COL15A1: variants seen among roughly 807,000 people sequenced by gnomAD.
COL15A1 encodes collagen alpha-1(XV) chain.
In COL15A1, 111 loss-of-function variants were observed where a neutral mutation model predicts 165.9. The observed-to-expected ratio is 0.67, with a 90% CI of 0.57 to 0.78. COL15A1 has a LOEUF of 0.78. Among genes scored for constraint, COL15A1 ranks in the 30% least tolerant of loss-of-function variants. COL15A1 has a pLI of 0.00. For synonymous variants in COL15A1, 659 were observed against 674.8 expected, an observed-to-expected ratio of 0.98 and a Z score of 0.36; for missense variants, 1,745 against 1,789.7, an observed-to-expected ratio of 0.98 and a Z score of 0.45.
intron 2 of COL15A1, among the ~76,000 whole-genome samples, chr9:98,947,023 A>C (rs1837598126): frequency 6.6e-6 from 1 of 152,214 alleles, no homozygotes; most frequent in South Asian, 2.1e-4. Flanking sequence ...CTTACCCTAC[A>C]ATCTAGAACT....
rs771569008 is a variant in COL15A1, at chr9:99,056,364, G to A, written c.3297G>A (p.Gly1099=). Residue 1099 remains glycine (G), a synonymous_variant, in exon 35 of 42, where the codon GGG becomes GGA. Transcript: ENST00000375001. ...FGRPGDPGPP[G]PPGPPGPPAI... Reference sequence around the variant, plus strand: ...GACCTGGTGATCCTGGGCCACCGGGGCCCCCGGGGCCACCAGGACCTCCAG... The same window carrying A: ...GACCTGGTGATCCTGGGCCACCGGGACCCCCGGGGCCACCAGGACCTCCAG... 1 of 1,612,906 alleles carries A rather than the reference G, an allele frequency of 6.2e-7. No homozygotes were observed. Among genetic ancestry groups the A allele is most frequent in the South Asian group, 1.1e-5 (1 of 91,058 alleles).
Position 99,036,277 on chromosome 9 carries a change from G to T in COL15A1, c.2326-36G>T, listed in dbSNP as rs779376558. On this transcript the variant is annotated intron_variant, in intron 20 of 41. Transcript: ENST00000375001. ...GTTCTGGGAGCATTATCGCTGTACA[G>T]TGAATTTTTTTCTCACTTCTTGCTG... 6.2e-6 allele frequency: 10 copies of T among 1,613,962 alleles called. No individual in the cohort carries two copies. The East Asian group carries it at 2.2e-4, about 36-fold the overall frequency.
intron 10 of COL15A1, 92 bp downstream of exon 10, chr9:99,015,658 C>T (rs775340602): frequency 7.9e-7 from 1 of 1,267,838 alleles, no homozygotes; most frequent in South Asian, 1.3e-5. Flanking sequence ...GCAGGGGCAC[C>T]TGTAGCTTGG....
At position 99,063,058 on chromosome 9, in the gene COL15A1, G is replaced by T; in HGVS notation, c.3600G>T (p.Gln1200His). ...CCTCCTTTTCATAACAGCCACATCA[G>T]CTTCTGCCTCCACCAAACCCTATTT... ...PPPALSSNPH[Q>H]LLPPPNPISS... Residue 1200 changes from glutamine (Q) to histidine (H), a missense_variant, in exon 39 of 42, where the codon CAG (glutamine) becomes CAT (histidine). Physicochemically the swap from Gln to His is conservative, Grantham distance 24 (BLOSUM62 0). Coordinates refer to ENST00000375001, the MANE Select transcript of COL15A1 (RefSeq NM_001855.5). The T allele has an allele frequency of 6.3e-7, 1 of 1,591,974 alleles. No individual in the cohort carries two copies. The highest frequency in any genetic ancestry group is 8.5e-7 in the Non-Finnish European group (1 of 1,172,812).
At chr9:99,039,440 C>T (rs182734338) in intron 22 of COL15A1, among the ~76,000 whole-genome samples, 12 of 152,250 alleles carry the variant, frequency 7.9e-5, no homozygotes, top group Non-Finnish European at 1.6e-4. Context: ...ACCTGGGAGG[C>T]GGAGGTTGCA....
rs373075504 is a variant in COL15A1 at position 99,048,024 on chromosome 9, C to T, written c.2793+24C>T. On this transcript the variant is annotated intron_variant, in intron 28 of 41. Transcript: ENST00000375001. ...AGGTGAGTCACCCTGGGGATGGAGC[C>T]GGAGGTTGGTGTCCAGAGAGGGTGA... The T allele has an allele frequency of 3.6e-6, 5 of 1,381,688 alleles. No individual in the cohort carries two copies. In the Admixed American group the frequency reaches 7.8e-5, roughly 22 times the overall value. 85.6% of individuals were successfully genotyped at this position (1,381,688 alleles called of 1,614,324 possible).
In COL15A1 at chr9:98,979,516, C is replaced by G. The variant is rs114868498; in HGVS notation, c.101-6049C>G. The stretch of plus-strand genomic sequence containing the variant: ...TTTACTGTGTCTAGAATTTTCTATT[C>G]TTTGCCCATTTTTCTTTTGGGTATT... On this transcript the variant is annotated intron_variant, in intron 2 of 41. Transcript: ENST00000375001. Among the ~76,000 whole-genome samples, 1,116 of 152,092 alleles carry G rather than the reference C, an allele frequency of 7.3e-3. 12 individuals are homozygous for G. The highest frequency in any genetic ancestry group is 0.025 in the African/African-American group (1,039 of 41,492).
intron 16 of COL15A1, among the ~76,000 whole-genome samples, 154 bp from the exon 17 acceptor site, chr9:99,034,395 G>T (rs1025615521): frequency 6.6e-6 from 1 of 152,136 alleles, no homozygotes; most frequent in Non-Finnish European, 1.5e-5. Flanking sequence ...GGCACCTATT[G>T]TAATGTGTTT....
chr9:99,015,708 G>A (rs1838921621), intron 10 of COL15A1, 142 bp downstream of exon 10: 1 of 845,004 alleles, frequency 1.2e-6, no homozygotes. Context: ...CTGGAGGGAG[G>A]CAGGACACAA....
chr9:99,039,657 A>G (rs1280727191), intron 22 of COL15A1, among the ~76,000 whole-genome samples: 1 of 152,242 alleles, frequency 6.6e-6, no homozygotes, highest in African/African-American at 2.4e-5. Flanking sequence ...TCTGCTGGTC[A>G]GCACAGGAGA....
chr9:99,034,740 G>A lies in COL15A1; in HGVS notation c.2079+156G>A, dbSNP rs114925287. On this transcript the variant is annotated intron_variant, in intron 17 of 41. Coordinates refer to ENST00000375001, the MANE Select transcript of COL15A1 (RefSeq NM_001855.5). ...ATCTCAAAGGAATTGCTCAGAGAAG[G>A]CAGAACAGCTGGGGATGGTGGGGAG... Among the ~76,000 whole-genome samples, 621 of 152,232 alleles carry A rather than the reference G, an allele frequency of 4.1e-3. 5 individuals carry two copies. The highest frequency in any genetic ancestry group is 0.014 in the African/African-American group (576 of 41,516).
rs374986586 is a variant in COL15A1, at chr9:99,025,890, C to T, written c.1981-14C>T. On this transcript the variant is annotated splice_polypyrimidine_tract_variant and intron_variant, in intron 15 of 41. Transcript: ENST00000375001. ...CAGAAATGTTGTGGGTTGATTGTCA[C>T]TGATGTTCCCCAGGGCCCTGAGGGA... is the stretch of plus-strand genomic sequence containing the variant. 3 of 1,611,890 alleles carry T rather than the reference C, an allele frequency of 1.9e-6. No individual in the cohort carries two copies. The highest frequency in any genetic ancestry group is 2.5e-6 in the Non-Finnish European group (3 of 1,179,140).
chr9:99,024,814 A>T (rs1241590073), intron 14 of COL15A1, 60 bp from the exon 15 acceptor site: 3 of 1,562,782 alleles, frequency 1.9e-6, no homozygotes, highest in Non-Finnish European at 2.6e-6. Flanking sequence ...CATGAAGCAC[A>T]TACTCAGTAT....
intron 15 of COL15A1, 89 bp from the exon 16 acceptor site, chr9:99,025,815 C>G: frequency 1.4e-6 from 2 of 1,427,788 alleles, no homozygotes; most frequent in East Asian, 4.9e-5. Flanking sequence ...CCTCACCTGC[C>G]TCCCAACCCT....
At chr9:99,022,201 G>A (rs371162660) in intron 13 of COL15A1, 51 bp downstream of exon 13, 15 of 1,611,890 alleles carry the variant, frequency 9.3e-6, no homozygotes, top group African/African-American at 6.7e-5. Flanking sequence ...GACCAGGGAT[G>A]CGGCCAAAAC....
chr9:98,950,043 A>G (rs1837653878), intron 2 of COL15A1, among the ~76,000 whole-genome samples: 1 of 152,190 alleles, frequency 6.6e-6, no homozygotes, highest in Non-Finnish European at 1.5e-5. Flanking sequence ...TGACTGAGTA[A>G]TATTCCAGTG....
chr9:99,057,020 A>G lies in COL15A1; in HGVS notation c.3337+616A>G, dbSNP rs544184902. ...ATGCTACTATGAACTTTCGTGTACAAGTTTTTATGTGAACATGTTTTCCGT... is the reference window on the plus strand; with the variant it reads ...ATGCTACTATGAACTTTCGTGTACAGGTTTTTATGTGAACATGTTTTCCGT... On this transcript the variant is annotated intron_variant, in intron 35 of 41. Transcript: ENST00000375001. Among the ~76,000 whole-genome samples, 9 of 152,308 alleles carry G rather than the reference A, an allele frequency of 5.9e-5. No homozygotes were observed. The East Asian group carries it at 1.7e-3, about 29-fold the overall frequency.
chr9:99,048,319 C>A, intron 28 of COL15A1, among the ~76,000 whole-genome samples: 1 of 152,100 alleles, frequency 6.6e-6, no homozygotes. Flanking sequence ...GTCACCTCTC[C>A]CCTCCTTTAC....
chr9:99,011,315 C>T (rs1000493929), intron 9 of COL15A1, among the ~76,000 whole-genome samples: 2 of 143,376 alleles, frequency 1.4e-5, no homozygotes, highest in Non-Finnish European at 3.0e-5. Flanking sequence ...CATATGAAAG[C>T]TTTTTTTTTC....
Sources: gnomAD v4.1 joint callset for allele counts (sites outside exome capture counted in the v4.1 genomes callset) on GRCh38, gnomAD v4.1.1 for gene constraint, MANE v1.5 for transcripts, NCBI Gene and HGNC (gene_info 2026-07-23, HGNC 2026-07-21) for gene names.